Variants in POLR3B observed in about 807,000 individuals in gnomAD.
POLR3B encodes DNA-directed RNA polymerase III subunit RPC2.
POLR3B carries 96 observed loss-of-function variants against 147.4 expected under a neutral mutation model. That is an observed-to-expected ratio of 0.65 (90% CI 0.55 to 0.77). The LOEUF is 0.77. Ranked by LOEUF, POLR3B falls within the 30% of genes least tolerant of loss-of-function variation. POLR3B has a pLI of 0.00. For synonymous variants in POLR3B, 461 were observed against 485.9 expected, an observed-to-expected ratio of 0.95 and a Z score of 0.67; for missense variants, 1,036 against 1,413.5, an observed-to-expected ratio of 0.73 and a Z score of 4.28.
chr12:106,384,000 A>G (rs1229592120), intron 9 of POLR3B, among the ~76,000 whole-genome samples: 3 of 152,078 alleles, frequency 2.0e-5, no homozygotes, highest in Non-Finnish European at 4.4e-5. Context: ...GAGAGAGAAA[A>G]AAAAAAAGAT....
chr12:106,435,922 G>A (rs371461703), intron 16 of POLR3B, among the ~76,000 whole-genome samples: 1 of 152,104 alleles, frequency 6.6e-6, no homozygotes, highest in Non-Finnish European at 1.5e-5. Context: ...GTTGAGTAAC[G>A]TAAGGATAAC....
chr12:106,418,614 T>A (rs1038523654), intron 12 of POLR3B, among the ~76,000 whole-genome samples: 1 of 152,182 alleles, frequency 6.6e-6, no homozygotes. Context: ...TCATTGAAAA[T>A]CAATTGATGA....
In POLR3B at chr12:106,427,179, CTTT is replaced by C. The variant is rs202125845; in HGVS notation, c.1102-5_1102-3del. The stretch of plus-strand genomic sequence containing the variant: ...TGCTTTTTGAAAAATCACCATATAC[CTTT>C]TTTTTTTTTTTTAGCTTTTATCTCT... On this transcript the variant is annotated splice_polypyrimidine_tract_variant and intron_variant, in intron 12 of 27. Transcript: ENST00000228347. 1.2e-3 allele frequency: 1,432 copies of C among 1,224,676 alleles called. No homozygotes were observed. The highest frequency in any genetic ancestry group is 3.1e-3 in the Admixed American group (132 of 42,210). The allele number at this position is 1,224,676 out of a possible 1,614,324, so 75.9% of individuals were successfully genotyped here.
chr12:106,361,810 G>A (rs1198216891), intron 1 of POLR3B, among the ~76,000 whole-genome samples: 3 of 152,172 alleles, frequency 2.0e-5, no homozygotes, highest in Admixed American at 6.5e-5. Context: ...GACAAGGCCC[G>A]GCCGGAGGAA....
intron 23 of POLR3B, among the ~76,000 whole-genome samples, chr12:106,489,010 A>G (rs77474472): frequency 2.6e-5 from 4 of 151,174 alleles, no homozygotes; most frequent in Admixed American, 6.6e-5. Context: ...ATGTGGAGAG[A>G]AAAAAAAAGC....
chr12:106,376,533 A>T, intron 7 of POLR3B, 83 bp downstream of exon 7: 6 of 976,854 alleles, frequency 6.1e-6, no homozygotes, highest in Non-Finnish European at 9.8e-6. Context: ...TTGTCTCAAA[A>T]ACAGTACCAG....
intron 2 of POLR3B, 129 bp downstream of exon 2, chr12:106,364,031 CA>C: frequency 1.4e-6 from 1 of 711,406 alleles, no homozygotes; most frequent in Non-Finnish European, 2.4e-6. Flanking sequence ...TTTGGAAATA[CA>C]AGGAATTATA....
chr12:106,504,009 C>A lies in POLR3B; in HGVS notation c.3099-72C>A. ...CTGCTCCAAAGCCTCGTGCTCTCTG[C>A]CAGCATGTGATGCTACCTCTTTGTT... On this transcript the variant is annotated intron_variant, in intron 26 of 27. Coordinates refer to ENST00000228347, the MANE Select transcript of POLR3B (RefSeq NM_018082.6). The surrounding 1 kb of genome is among the most constrained non-coding windows in gnomAD (Gnocchi z 4.6). The A allele has an allele frequency of 2.1e-6, 3 of 1,404,072 alleles. No homozygotes were observed. The highest frequency in any genetic ancestry group is 3.4e-5 in the Admixed American group (2 of 59,696). 87.0% of individuals were successfully genotyped at this position (1,404,072 alleles called of 1,614,324 possible). A position where few individuals can be genotyped will look rare whatever the true frequency, so the allele number is the denominator to read the frequency against.
chr12:106,432,304 C>G lies in POLR3B; in HGVS notation c.1465-14C>G. Reference sequence around the variant, plus strand: ...AATGTTCATTCTTAGAAATGACCATCTTTTGTTTTTTAGGCATGTGGTTTG... The same window carrying G: ...AATGTTCATTCTTAGAAATGACCATGTTTTGTTTTTTAGGCATGTGGTTTG... On this transcript the variant is annotated splice_polypyrimidine_tract_variant and intron_variant, in intron 14 of 27. Coordinates refer to ENST00000228347, the MANE Select transcript of POLR3B (RefSeq NM_018082.6). The G allele has an allele frequency of 6.2e-7, 1 of 1,611,758 alleles. No homozygotes were observed. Among genetic ancestry groups the G allele is most frequent in the Non-Finnish European group, 8.5e-7 (1 of 1,177,984 alleles).
chr12:106,485,268 A>G (rs2038322149), intron 23 of POLR3B, among the ~76,000 whole-genome samples: 1 of 152,212 alleles, frequency 6.6e-6, no homozygotes, highest in African/African-American at 2.4e-5. Context: ...TAATAATGGC[A>G]TTAATCCATT....
At chr12:106,368,069 T>C (rs1451934553) in intron 4 of POLR3B, among the ~76,000 whole-genome samples, 1 of 152,166 alleles carries the variant, frequency 6.6e-6, no homozygotes, top group Non-Finnish European at 1.5e-5. Flanking sequence ...TATATATATA[T>C]CCAGTCCTGT....
chr12:106,496,536 A>G, intron 24 of POLR3B: 3 of 608,440 alleles, frequency 4.9e-6, no homozygotes, highest in Non-Finnish European at 8.7e-6. Flanking sequence ...CCCATACTTC[A>G]GTTTCTTCAT....
rs369388258 is a variant in POLR3B at position 106,435,249 on chromosome 12, C to T, written c.1781+1377C>T. On this transcript the variant is annotated intron_variant, in intron 16 of 27. Coordinates refer to ENST00000228347, the MANE Select transcript of POLR3B (RefSeq NM_018082.6). ...TTCAAGCGATTCTCATGTCTCAGCT[C>T]CCCACCCCCGTCCCTGACCCAGTAG... Among the ~76,000 whole-genome samples the T allele has an allele frequency of 1.7e-4, 25 of 150,184 alleles. No individual in the cohort carries two copies. The South Asian group carries it at 1.9e-3, about 11-fold the overall frequency.
At chr12:106,456,809 T>C (rs2037871081) in intron 20 of POLR3B, among the ~76,000 whole-genome samples, 1 of 152,192 alleles carries the variant, frequency 6.6e-6, no homozygotes, top group East Asian at 1.9e-4. Flanking sequence ...TCTAATATTC[T>C]ATGGCTCTGT....
rs2037876231 is a variant in POLR3B at position 106,457,190 on chromosome 12, C to T, written c.2346C>T (p.Tyr782=). The change falls in exon 21 of 28, where the codon TAC becomes TAT. Residue 782 remains tyrosine (Y), a synonymous_variant. Coordinates refer to ENST00000228347, the MANE Select transcript of POLR3B (RefSeq NM_018082.6). The part of the protein sequence containing the change: ...YKNAKCTLKR[Y]TNQTFDKVMG... ...ATGCTAAATGTACGTTGAAACGATA[C>T]ACCAATCAGACTTTTGATAAAGTGA... The T allele has an allele frequency of 6.2e-7, 1 of 1,612,628 alleles. No individual in the cohort carries two copies. The highest frequency in any genetic ancestry group is 8.5e-7 in the Non-Finnish European group (1 of 1,178,736).
At chr12:106,489,369 G>A (rs555859530) in intron 23 of POLR3B, among the ~76,000 whole-genome samples, 1 of 152,292 alleles carries the variant, frequency 6.6e-6, no homozygotes, top group Admixed American at 6.5e-5. Flanking sequence ...TAAGGATTAT[G>A]CGTATATGGA....
chr12:106,362,349 C>T (rs1395447966), intron 1 of POLR3B, among the ~76,000 whole-genome samples: 8 of 152,070 alleles, frequency 5.3e-5, no homozygotes, highest in Non-Finnish European at 1.2e-4. Context: ...AGTATTAGCT[C>T]ATAGGGCTGC....
intron 6 of POLR3B, among the ~76,000 whole-genome samples, chr12:106,374,729 G>T: frequency 6.6e-6 from 1 of 152,070 alleles, no homozygotes; most frequent in South Asian, 2.1e-4. Context: ...CGTTGACCAG[G>T]ATGGTCTCGA....
rs149299741 is a variant in POLR3B at position 106,379,696 on chromosome 12, A to G, written c.615-335A>G. Among the ~76,000 whole-genome samples the G allele has an allele frequency of 2.5e-4, 38 of 152,306 alleles. No homozygotes were observed. The East Asian group carries it at 7.1e-3, about 29-fold the overall frequency. ...TCCTCATTATGTTTAAGGCCCATAT[A>G]TAAAATTGGCCTTGTATATATGCTC... On this transcript the variant is annotated intron_variant, in intron 8 of 27. Coordinates refer to ENST00000228347, the MANE Select transcript of POLR3B (RefSeq NM_018082.6).
Sources: allele counts gnomAD v4.1 joint callset (sites outside exome capture counted in the v4.1 genomes callset), GRCh38; gene constraint gnomAD v4.1.1; non-coding constraint Gnocchi (gnomAD v3.1); transcripts MANE v1.5; gene names NCBI Gene and HGNC (gene_info 2026-07-23, HGNC 2026-07-21).